Variants in GLIS3 observed in about 807,000 individuals in gnomAD.
GLIS3 encodes the protein zinc finger protein GLIS3.
GLIS3 carries 53 observed loss-of-function variants against 78.6 expected under a neutral mutation model. That is an observed-to-expected ratio of 0.67 (90% CI 0.54 to 0.85). The LOEUF (loss-of-function observed/expected upper bound fraction) is 0.85, where lower values mean the gene tolerates loss of function less well. Among genes scored for constraint, GLIS3 ranks in the 40% least tolerant of loss-of-function variants. GLIS3 has a pLI of 0.00. For synonymous variants in GLIS3, 684 were observed against 509.9 expected, an observed-to-expected ratio of 1.34 and a Z score of -4.60; for missense variants, 1,703 against 1,231.1, an observed-to-expected ratio of 1.38 and a Z score of -5.74.
intron 2 of GLIS3, among the ~76,000 whole-genome samples, chr9:4,216,872 A>T (rs1486920825): frequency 6.6e-6 from 1 of 152,240 alleles, no homozygotes; most frequent in Non-Finnish European, 1.5e-5. Context: ...TATGTTAAAA[A>T]TCAAAACCCC....
intron 4 of GLIS3, among the ~76,000 whole-genome samples, chr9:3,990,781 T>C (rs556397159): frequency 6.6e-6 from 1 of 152,354 alleles, no homozygotes; most frequent in African/African-American, 2.4e-5. Context: ...ATGTATATTT[T>C]AGTATTTAAA....
At chr9:4,364,869 C>T in the GLIS3 span, among the ~76,000 whole-genome samples, 14 of 148,004 alleles carry the variant, frequency 9.5e-5, no homozygotes, top group Non-Finnish European at 7.4e-5. Context: ...CTACAGCCTT[C>T]AACTCCTGGG....
the GLIS3 span, among the ~76,000 whole-genome samples, chr9:4,462,167 G>C: frequency 6.6e-6 from 1 of 152,200 alleles, no homozygotes; most frequent in African/African-American, 2.4e-5. Context: ...AGGGCTGCAG[G>C]AGTCTTGTCA....
chr9:4,100,460 C>A (rs1482980439), intron 4 of GLIS3, among the ~76,000 whole-genome samples: 1 of 152,196 alleles, frequency 6.6e-6, no homozygotes, highest in African/African-American at 2.4e-5. Context: ...AAGCTCACTT[C>A]CGATACACCA....
intron 2 of GLIS3, among the ~76,000 whole-genome samples, chr9:4,207,030 G>A (rs1172163225): frequency 2.0e-5 from 3 of 152,168 alleles, no homozygotes; most frequent in Non-Finnish European, 4.4e-5. Flanking sequence ...AAGACAACTT[G>A]CCCTTTTAAA....
chr9:4,028,096 G>C (rs1823499465), intron 4 of GLIS3, among the ~76,000 whole-genome samples: 1 of 152,064 alleles, frequency 6.6e-6, no homozygotes, highest in African/African-American at 2.4e-5. Context: ...AATAGTAATT[G>C]AACATCAACC....
intron 6 of GLIS3, chr9:3,901,266 G>A (rs1396205797): frequency 2.2e-5 from 4 of 178,898 alleles, no homozygotes; most frequent in South Asian, 2.5e-4. Context: ...TGTCTGGGTA[G>A]TCTCTTCAAT....
chr9:4,107,872 T>A (rs983083573), intron 4 of GLIS3, among the ~76,000 whole-genome samples: 2 of 152,138 alleles, frequency 1.3e-5, no homozygotes, highest in African/African-American at 4.8e-5. Context: ...CATTTTATTA[T>A]GGGAAATTTC....
chr9:4,232,684 A>C (rs1452877799), intron 2 of GLIS3, among the ~76,000 whole-genome samples: 1 of 152,248 alleles, frequency 6.6e-6, no homozygotes, highest in African/African-American at 2.4e-5. Context: ...CATTATCAAT[A>C]AAGGCTTCTG....
chr9:4,421,328 T>C, the GLIS3 span, among the ~76,000 whole-genome samples: 1 of 152,160 alleles, frequency 6.6e-6, no homozygotes, highest in Non-Finnish European at 1.5e-5. Context: ...GCAAGCCTGG[T>C]TCCAACTGAA....
At chr9:4,456,052 G>A in the GLIS3 span, among the ~76,000 whole-genome samples, 2 of 151,990 alleles carry the variant, frequency 1.3e-5, no homozygotes, top group African/African-American at 4.8e-5. Flanking sequence ...AGGTTGCAGT[G>A]AGCTGAGATC....
At position 4,250,170 on chromosome 9, in the gene GLIS3, T is replaced by C. The variant is rs971365921; in HGVS notation, c.388+35868A>G. Among the ~76,000 whole-genome samples the C allele has an allele frequency of 2.0e-5, 3 of 152,326 alleles. No homozygotes were observed. The East Asian group carries it at 5.8e-4, about 29-fold the overall frequency. On this transcript the variant is annotated intron_variant, in intron 2 of 10. Transcript: ENST00000381971. ...GGGAGGATTCCCTCTTTTTCTATTG[T>C]TTGGAATAGTTTCAGAAGGAATGGT... is the stretch of plus-strand genomic sequence containing the variant.
rs1022320742 is a variant in GLIS3, at chr9:4,087,445, C to T, written c.1710+30323G>A. The stretch of plus-strand genomic sequence containing the variant: ...GATTCTGAAATGATAGCCTCATAAA[C>T]AAAACAGGAAAACAATCGGCAATTT... On this transcript the variant is annotated intron_variant, in intron 4 of 10. Coordinates refer to ENST00000381971, the MANE Select transcript of GLIS3 (RefSeq NM_001042413.2). Among the ~76,000 whole-genome samples, 10 of 152,196 alleles carry T rather than the reference C, an allele frequency of 6.6e-5. No individual in the cohort carries two copies. The South Asian group carries it at 1.0e-3, about 16-fold the overall frequency.
chr9:4,036,769 G>A (rs879711064), intron 4 of GLIS3, among the ~76,000 whole-genome samples: 6 of 152,188 alleles, frequency 3.9e-5, no homozygotes, highest in Non-Finnish European at 5.9e-5. Context: ...GGTGTGAGAA[G>A]AACTGTGGGT....
chr9:4,216,206 C>A (rs1465014861), intron 2 of GLIS3, among the ~76,000 whole-genome samples: 1 of 152,050 alleles, frequency 6.6e-6, no homozygotes, highest in Admixed American at 6.5e-5. Context: ...GGCACGGTGG[C>A]TCACACCTGT....
In GLIS3 at chr9:3,825,597, G is replaced by T. The variant is rs1817683792; in HGVS notation, c.*2675C>A. 6.6e-6 allele frequency: 1 copy of T among 152,028 alleles called. No individual in the cohort carries two copies. The highest frequency in any genetic ancestry group is 6.5e-5 in the Admixed American group (1 of 15,278). 9.4% of individuals were successfully genotyped at this position (152,028 alleles called of 1,614,324 possible). A position where few individuals can be genotyped will look rare whatever the true frequency, so the allele number is the denominator to read the frequency against. Reference sequence around the variant, plus strand: ...AAAAGACCAGGACATGAAAGGGAATGATTTTTTTGAAGTTTCCACTTGTAC... The same window carrying T: ...AAAAGACCAGGACATGAAAGGGAATTATTTTTTTGAAGTTTCCACTTGTAC... On this transcript the variant is annotated 3_prime_UTR_variant, in exon 11 of 11. Transcript: ENST00000381971.
chr9:3,925,604 C>T (rs592383), intron 6 of GLIS3, among the ~76,000 whole-genome samples: 57,319 of 146,668 alleles, frequency 0.39, 11,629 homozygotes, highest in Middle Eastern at 0.56. Flanking sequence ...TGCGTGTGCG[C>T]GCGTGTGTGT....
At position 3,857,959 on chromosome 9, in the gene GLIS3, G is replaced by A. The variant is rs574051895; in HGVS notation, c.2298-1775C>T. Among the ~76,000 whole-genome samples the A allele has an allele frequency of 7.2e-5, 11 of 152,278 alleles. No individual in the cohort carries two copies. In the South Asian group the frequency reaches 2.3e-3, roughly 32 times the overall value. ...AATTGTGAGATCATAGACTTTAGGG[G>A]CAGAAGGAATCCAGGTTAACACCTA... On this transcript the variant is annotated intron_variant, in intron 8 of 10. Coordinates refer to ENST00000381971, the MANE Select transcript of GLIS3 (RefSeq NM_001042413.2).
chr9:4,355,882 C>A, the GLIS3 span, among the ~76,000 whole-genome samples: 22 of 152,092 alleles, frequency 1.4e-4, no homozygotes, highest in African/African-American at 5.3e-4. Context: ...GTGGGAAAGT[C>A]CTGGGGGCAA....
Sources: gnomAD v4.1 joint callset for allele counts (sites outside exome capture counted in the v4.1 genomes callset) on GRCh38, gnomAD v4.1.1 for gene constraint, MANE v1.5 for transcripts, NCBI Gene and HGNC (gene_info 2026-07-23, HGNC 2026-07-21) for gene names.